Variants in SLC38A4 observed in about 807,000 individuals in gnomAD.
The protein encoded by SLC38A4 is sodium-coupled neutral amino acid transporter 4.
In SLC38A4, 20 loss-of-function variants were observed where a neutral mutation model predicts 63.1. The observed-to-expected ratio is 0.32, with a 90% CI of 0.22 to 0.46. The LOEUF (loss-of-function observed/expected upper bound fraction) is 0.46. SLC38A4 is among the 20% of genes least tolerant of loss of function. SLC38A4 has a pLI of 1.00. For missense variants in SLC38A4, 526 were observed against 663.6 expected (o/e 0.79, Z 2.28); for synonymous variants, 230 against 225.5 (o/e 1.02, Z -0.18).
chr12:46,798,321 T>C (rs1314084169), intron 2 of SLC38A4, among the ~76,000 whole-genome samples: 1 of 152,146 alleles, frequency 6.6e-6, no homozygotes. Flanking sequence ...CCGTCCACAC[T>C]CTCCTCACCT....
rs1010465098 is a variant in SLC38A4 at position 46,783,624 on chromosome 12, C to T, written c.493+918G>A. Among the ~76,000 whole-genome samples, 4 of 152,020 alleles carry T rather than the reference C, an allele frequency of 2.6e-5. No homozygotes were observed. The South Asian group carries it at 8.3e-4, about 32-fold the overall frequency. On this transcript the variant is annotated intron_variant, in intron 7 of 16. Transcript: ENST00000266579. ...TAAGAGATCAAATGAACAGACTTTG[C>T]CATTTGATTGGACATGCAGAGTTGG...
intron 9 of SLC38A4, 21 bp downstream of exon 9, chr12:46,779,759 C>G (rs1413814307): frequency 6.3e-7 from 1 of 1,587,868 alleles, no homozygotes; most frequent in Non-Finnish European, 8.6e-7. Context: ...AAAAATATTT[C>G]CAGTTAGAAA....
chr12:46,814,681 C>T (rs191618608), intron 1 of SLC38A4, among the ~76,000 whole-genome samples: 35 of 151,974 alleles, frequency 2.3e-4, no homozygotes, highest in African/African-American at 7.2e-4. Context: ...AAATATAAGA[C>T]GTTTTTAATC....
chr12:46,791,985 A>G (rs1242933253), intron 3 of SLC38A4, among the ~76,000 whole-genome samples: 1 of 152,142 alleles, frequency 6.6e-6, no homozygotes, highest in Non-Finnish European at 1.5e-5. Context: ...GCAGGTCAAG[A>G]ACAGATCACA....
chr12:46,830,296 TCTCACACA>T (rs1443453426), upstream of SLC38A4, among the ~76,000 whole-genome samples: 12 of 119,018 alleles, frequency 1.0e-4, no homozygotes, highest in East Asian at 9.4e-4. Context: ...TCTCTCTCTC[TCTCACACA>T]CACACACACA....
intron 1 of SLC38A4, among the ~76,000 whole-genome samples, chr12:46,812,890 G>C (rs1042672966): frequency 3.3e-5 from 5 of 152,030 alleles, no homozygotes; most frequent in African/African-American, 1.2e-4. Flanking sequence ...TCTCAATTCT[G>C]AATGTTTCAA....
At chr12:46,808,993 C>T (rs1592192836) in intron 1 of SLC38A4, among the ~76,000 whole-genome samples, 1 of 152,052 alleles carries the variant, frequency 6.6e-6, no homozygotes, top group East Asian at 1.9e-4. Flanking sequence ...TTACATTCTT[C>T]TTAGATCACA....
chr12:46,768,670 A>G (rs559397988), intron 15 of SLC38A4, among the ~76,000 whole-genome samples: 1 of 152,188 alleles, frequency 6.6e-6, no homozygotes, highest in East Asian at 1.9e-4. Context: ...TTTAACACAA[A>G]TTTACAGGGG....
At chr12:46,777,883 G>A (rs958380673) in intron 12 of SLC38A4, among the ~76,000 whole-genome samples, 1 of 152,020 alleles carries the variant, frequency 6.6e-6, no homozygotes, top group Admixed American at 6.6e-5. Flanking sequence ...GTTAGGTGCT[G>A]ACTATAAATG....
At chr12:46,785,236 G>C (rs1938733962) in intron 5 of SLC38A4, 59 bp from the exon 6 acceptor site, 2 of 1,293,212 alleles carry the variant, frequency 1.5e-6, no homozygotes, top group African/African-American at 1.5e-5. Flanking sequence ...ATGTAATTAT[G>C]TTAGATGTTA....
chr12:46,814,406 C>T (rs1025546989), intron 1 of SLC38A4, among the ~76,000 whole-genome samples: 1 of 151,938 alleles, frequency 6.6e-6, no homozygotes, highest in African/African-American at 2.4e-5. Flanking sequence ...TACATATTTA[C>T]CCCTGAACCT....
At chr12:46,827,087 T>C (rs1249207810), upstream of SLC38A4, among the ~76,000 whole-genome samples, 1 of 152,226 alleles carries the variant, frequency 6.6e-6, no homozygotes, top group African/African-American at 2.4e-5. Context: ...ATAGTCATTT[T>C]AATCATGAAT....
chr12:46,774,058 C>CT (rs1310238002), intron 14 of SLC38A4, among the ~76,000 whole-genome samples: 1 of 151,996 alleles, frequency 6.6e-6, no homozygotes, highest in African/African-American at 2.4e-5. Context: ...TGTATGTCAT[C>CT]TGAAATACTT....
chr12:46,792,237 A>G (rs936227546), intron 3 of SLC38A4, among the ~76,000 whole-genome samples: 7 of 152,128 alleles, frequency 4.6e-5, no homozygotes, highest in African/African-American at 1.4e-4. Flanking sequence ...TAGAATGGGT[A>G]CAGAAAAGTA....
In SLC38A4 at chr12:46,793,043, T is replaced by G; in HGVS notation, c.29A>C (p.Asn10Thr). Reference protein sequence around the residue: MDPMELRNVNIEPDDESSSG... With the variant: MDPMELRNVTIEPDDESSSG... The stretch of plus-strand genomic sequence containing the variant: ...GCTGCTCTCATCATCTGGTTCGATG[T>G]TGACATTTCTCAGTTCCATGGGATC... Residue 10 changes from asparagine (N) to threonine (T), a missense_variant, in exon 3 of 17, where the codon AAC (asparagine) becomes ACC (threonine). Transcript: ENST00000266579. 6.2e-7 allele frequency: 1 copy of G among 1,613,140 alleles called. No individual in the cohort carries two copies. Among genetic ancestry groups the G allele is most frequent in the Non-Finnish European group, 8.5e-7 (1 of 1,179,320 alleles).
rs1592194252 is a variant in SLC38A4, at chr12:46,812,622, G to GA, written c.-304-8829dup. On this transcript the variant is annotated intron_variant, in intron 1 of 16. Coordinates refer to ENST00000266579, the MANE Select transcript of SLC38A4 (RefSeq NM_018018.5). ...GACAATAGAACTATTGGTGGCAGCA[G>GA]AAAAAATGTACACATTCTTTTATTT... 2.6e-5 allele frequency among the ~76,000 whole-genome samples: 4 copies of GA among 152,066 alleles called. No homozygotes were observed. In the East Asian group the frequency reaches 7.8e-4, roughly 30 times the overall value.
chr12:46,797,440 T>C (rs1299411350), intron 2 of SLC38A4, among the ~76,000 whole-genome samples: 1 of 152,118 alleles, frequency 6.6e-6, no homozygotes, highest in Non-Finnish European at 1.5e-5. Flanking sequence ...CCCTTGAACA[T>C]TGGAGCTCCT....
At chr12:46,776,061 C>CT (rs1182033016) in intron 13 of SLC38A4, among the ~76,000 whole-genome samples, 14 of 151,960 alleles carry the variant, frequency 9.2e-5, no homozygotes, top group Non-Finnish European at 1.6e-4. Context: ...ACTCCTGAAT[C>CT]TTTTCCTCCA....
intron 7 of SLC38A4, among the ~76,000 whole-genome samples, chr12:46,783,052 G>GTGTGCA: frequency 1.5e-5 from 1 of 65,368 alleles, no homozygotes; most frequent in Middle Eastern, 0.018. Flanking sequence ...GTGTGTGTGT[G>GTGTGCA]TGTGTGTTAG....
Sources: gnomAD v4.1 joint callset for allele counts (sites outside exome capture counted in the v4.1 genomes callset) on GRCh38, gnomAD v4.1.1 for gene constraint, MANE v1.5 for transcripts, NCBI Gene and HGNC (gene_info 2026-07-23, HGNC 2026-07-21) for gene names.